The following FILIP1L variants were observed in gnomAD, a reference collection of about 807,000 sequenced individuals.
FILIP1L encodes the protein filamin A-interacting protein 1-like.
In FILIP1L, 55 loss-of-function variants were observed where a neutral mutation model predicts 96.6. The observed-to-expected ratio is 0.57, with a 90% CI of 0.46 to 0.71. The LOEUF (loss-of-function observed/expected upper bound fraction) is 0.71, where lower values mean the gene tolerates loss of function less well. FILIP1L is among the 30% of genes least tolerant of loss of function. The pLI is 0.00. For missense variants in FILIP1L, 1,304 were observed against 1,321.2 expected, an observed-to-expected ratio of 0.99 and a Z score of 0.20; for synonymous variants, 467 against 473.9, an observed-to-expected ratio of 0.99 and a Z score of 0.19.
At chr3:100,014,891 C>CTTTTTTTTTTTTTTTTTTTTTTT (rs1710284139) in intron 1 of FILIP1L, among the ~76,000 whole-genome samples, 9 of 27,218 alleles carry the variant, frequency 3.3e-4, no homozygotes, top group Admixed American at 4.7e-4. Context: ...TTTTTTCTTT[C>CTTTTTTTTTTTTTTTTTTTTTTT]TTTCTTTTTT....
chr3:100,068,150 T>C (rs577967905), intron 1 of FILIP1L, among the ~76,000 whole-genome samples: 1 of 152,232 alleles, frequency 6.6e-6, no homozygotes, highest in Non-Finnish European at 1.5e-5. Flanking sequence ...GCACATTTAA[T>C]CAAAGAAATA....
intron 4 of FILIP1L, among the ~76,000 whole-genome samples, chr3:99,908,592 G>A (rs777737993): frequency 2.0e-5 from 3 of 152,166 alleles, no homozygotes; most frequent in Non-Finnish European, 4.4e-5. Context: ...CTCCTCTCCA[G>A]TTACTAGCAG....
intron 4 of FILIP1L, among the ~76,000 whole-genome samples, chr3:99,855,264 A>G (rs1189328495): frequency 6.6e-6 from 1 of 152,236 alleles, no homozygotes; most frequent in East Asian, 1.9e-4. Flanking sequence ...CTGGGGAACA[A>G]AATGACTCAA....
chr3:100,095,185 T>G (rs1212246140), intron 1 of FILIP1L, among the ~76,000 whole-genome samples: 1 of 152,228 alleles, frequency 6.6e-6, no homozygotes, highest in Non-Finnish European at 1.5e-5. Context: ...CACTTTCTCT[T>G]CTTTTTCAAC....
intron 4 of FILIP1L, among the ~76,000 whole-genome samples, chr3:99,882,308 A>G (rs770787897): frequency 6.6e-6 from 1 of 152,162 alleles, no homozygotes; most frequent in Non-Finnish European, 1.5e-5. Context: ...GTGGCTTCTA[A>G]TTGTAAAATC....
chr3:100,018,735 C>CAAAAAAAAAAAAAAAAAAA (rs61527233), intron 1 of FILIP1L, among the ~76,000 whole-genome samples: 1 of 120,234 alleles, frequency 8.3e-6, no homozygotes, highest in African/African-American at 3.1e-5. Flanking sequence ...TTCCGCATAG[C>CAAAAAAAAAAAAAAAAAAA]AAAAAAAAAA....
chr3:100,046,173 A>G (rs1345075642), intron 1 of FILIP1L, among the ~76,000 whole-genome samples: 1 of 152,180 alleles, frequency 6.6e-6, no homozygotes, highest in Admixed American at 6.5e-5. Flanking sequence ...TTCCCAGGGC[A>G]CTGATAACTC....
At chr3:99,836,929 A>G (rs1317358606) in intron 5 of FILIP1L, among the ~76,000 whole-genome samples, 1 of 152,228 alleles carries the variant, frequency 6.6e-6, no homozygotes, top group Non-Finnish European at 1.5e-5. Flanking sequence ...TAAGGACAGG[A>G]TAGCCTCCCT....
intron 1 of FILIP1L, among the ~76,000 whole-genome samples, chr3:100,062,798 G>A (rs1425469722): frequency 1.3e-5 from 2 of 152,152 alleles, no homozygotes; most frequent in Admixed American, 6.5e-5. Context: ...CCCTACACCT[G>A]TCTGGCCCAA....
chr3:100,096,947 C>A (rs1417268453), intron 1 of FILIP1L, among the ~76,000 whole-genome samples: 1 of 152,098 alleles, frequency 6.6e-6, no homozygotes, highest in Non-Finnish European at 1.5e-5. Context: ...AAAGCCAATA[C>A]AGTATAACAA....
intron 1 of FILIP1L, among the ~76,000 whole-genome samples, chr3:100,035,852 T>C (rs1022838592): frequency 1.3e-5 from 2 of 152,102 alleles, no homozygotes; most frequent in Admixed American, 6.5e-5. Flanking sequence ...TTCCCCCACA[T>C]TGGATTCTTT....
intron 1 of FILIP1L, among the ~76,000 whole-genome samples, chr3:99,984,060 T>TGTGTGTGTGTGTGTGTGTGTGTTTG (rs1559714079): frequency 8.0e-5 from 2 of 24,978 alleles, no homozygotes; most frequent in Admixed American, 4.1e-4. Flanking sequence ...GTATGTGTGT[T>TGTGTGTGTGTGTGTGTGTGTGTTTG]TGTGTGTGTG....
At chr3:100,014,887 C>CTTTTTTTTTTTTTTTT (rs1559725867) in intron 1 of FILIP1L, among the ~76,000 whole-genome samples, 2 of 32,466 alleles carry the variant, frequency 6.2e-5, no homozygotes, top group Non-Finnish European at 1.2e-4. Context: ...TTTTTTTTTT[C>CTTTTTTTTTTTTTTTT]TTTCTTTCTT....
chr3:100,013,930 T>C (rs979456521), intron 1 of FILIP1L, among the ~76,000 whole-genome samples: 5 of 152,148 alleles, frequency 3.3e-5, no homozygotes, highest in African/African-American at 1.2e-4. Flanking sequence ...ACTGAAACTG[T>C]GTACCCTTTG....
chr3:99,965,512 C>G (rs1708623229), intron 1 of FILIP1L, among the ~76,000 whole-genome samples: 1 of 152,106 alleles, frequency 6.6e-6, no homozygotes, highest in African/African-American at 2.4e-5. Context: ...TGAATTTCTT[C>G]CAGATACTTT....
chr3:99,895,910 G>A (rs539050505), intron 4 of FILIP1L, among the ~76,000 whole-genome samples: 1 of 152,288 alleles, frequency 6.6e-6, no homozygotes, highest in East Asian at 1.9e-4. Flanking sequence ...GCTGGACAAA[G>A]GAACCCATCA....
chr3:99,871,268 TAGA>T (rs1157178940), intron 4 of FILIP1L, among the ~76,000 whole-genome samples: 1 of 152,188 alleles, frequency 6.6e-6, no homozygotes, highest in African/African-American at 2.4e-5. Context: ...AAACAAAATC[TAGA>T]AGAAGGGGCC....
Position 100,044,362 on chromosome 3 carries a change from A to AGGG in FILIP1L, c.-11+69690_-11+69691insCCC, listed in dbSNP as rs556843553. On this transcript the variant is annotated intron_variant, in intron 1 of 5. Coordinates refer to ENST00000477258, the MANE Select transcript of FILIP1L (RefSeq NM_001387850.1). ...AAGTATTTACATCATAGTATAAAGA[A>AGGG]GTAACACAGGGGTAATCTGTCAAGG... is the stretch of plus-strand genomic sequence containing the variant. Among the ~76,000 whole-genome samples, 536 of 152,254 alleles carry AGGG rather than the reference A, an allele frequency of 3.5e-3. 5 individuals carry two copies. The highest frequency in any genetic ancestry group is 0.012 in the African/African-American group (489 of 41,520).
chr3:99,998,664 G>A lies in FILIP1L; in HGVS notation c.-10-67634C>T, dbSNP rs186287513. Among the ~76,000 whole-genome samples the A allele has an allele frequency of 1.8e-4, 27 of 152,258 alleles. 1 individual carries two copies. In the South Asian group the frequency reaches 3.9e-3, roughly 22 times the overall value. The stretch of plus-strand genomic sequence containing the variant: ...TGCAAGCTCCGCCTCCCGGGTTCAC[G>A]CGATTCTCCCGCCTCAGCCTCCCCA... On this transcript the variant is annotated intron_variant, in intron 1 of 5. Transcript: ENST00000477258.
Sources: allele counts gnomAD v4.1 joint callset (sites outside exome capture counted in the v4.1 genomes callset), GRCh38; gene constraint gnomAD v4.1.1; transcripts MANE v1.5; gene names NCBI Gene and HGNC (gene_info 2026-07-23, HGNC 2026-07-21).